Variants in ERBB4 observed in about 807,000 individuals in gnomAD.
ERBB4 encodes the protein erb-b2 receptor tyrosine kinase 4.
ERBB4 carries 42 observed loss-of-function variants against 158.0 expected under a neutral mutation model. The ratio of observed to expected loss-of-function variants is 0.27; its 90% CI spans 0.21 to 0.34. The LOEUF is 0.34. Among genes scored for constraint, ERBB4 ranks in the 10% least tolerant of loss-of-function variants. The probability of loss-of-function intolerance (pLI) is 1.00; values close to 1 mark genes in which losing one functional copy is unlikely to be tolerated. For synonymous variants in ERBB4, 583 were observed against 558.7 expected (o/e 1.04, Z -0.61); for missense variants, 1,333 against 1,624.1 (o/e 0.82, Z 3.08).
At chr2:211,917,811 A>T (rs2125069939) in intron 3 of ERBB4, among the ~76,000 whole-genome samples, 1 of 152,288 alleles carries the variant, frequency 6.6e-6, no homozygotes, top group South Asian at 2.1e-4. Flanking sequence ...TGAACTGAGC[A>T]TTCACTGAAG....
chr2:211,845,373 C>G (rs1220309360), intron 3 of ERBB4, among the ~76,000 whole-genome samples: 2 of 151,998 alleles, frequency 1.3e-5, no homozygotes, highest in Non-Finnish European at 2.9e-5. Flanking sequence ...CCTAGGCAGG[C>G]AAAATCTCAT....
At chr2:212,074,990 G>T (rs1402746972) in intron 2 of ERBB4, among the ~76,000 whole-genome samples, 1 of 151,894 alleles carries the variant, frequency 6.6e-6, no homozygotes, top group East Asian at 1.9e-4. Flanking sequence ...ATTTGTTCAA[G>T]TTCCTAGCTA....
intron 1 of ERBB4, among the ~76,000 whole-genome samples, chr2:212,417,739 T>C (rs1196191559): frequency 6.6e-6 from 1 of 152,050 alleles, no homozygotes; most frequent in Non-Finnish European, 1.5e-5. Context: ...TATCAATTAG[T>C]ACCTATGTAC....
At chr2:212,081,285 TA>T (rs2078434930) in intron 2 of ERBB4, among the ~76,000 whole-genome samples, 1 of 152,162 alleles carries the variant, frequency 6.6e-6, no homozygotes, top group African/African-American at 2.4e-5. Flanking sequence ...GAAATGAAAT[TA>T]AGCATCTTGC....
intron 19 of ERBB4, among the ~76,000 whole-genome samples, chr2:211,586,010 T>G (rs1324907634): frequency 6.6e-6 from 1 of 152,200 alleles, no homozygotes; most frequent in Non-Finnish European, 1.5e-5. Context: ...TCAAGAAATT[T>G]ACATCAAAAT....
chr2:211,665,548 G>T, intron 14 of ERBB4, 71 bp from the exon 15 acceptor site: 1 of 1,482,078 alleles, frequency 6.7e-7, no homozygotes, highest in Middle Eastern at 1.7e-4. Flanking sequence ...TATTCATGTG[G>T]TTTAGTTACT....
intron 1 of ERBB4, among the ~76,000 whole-genome samples, chr2:212,255,997 A>ATTTTT (rs746469311): frequency 2.0e-5 from 2 of 99,112 alleles, no homozygotes; most frequent in Non-Finnish European, 4.4e-5. Context: ...AGTTTTATTT[A>ATTTTT]TTTATTTTTT....
intron 1 of ERBB4, among the ~76,000 whole-genome samples, chr2:212,152,634 A>G (rs1293085750): frequency 6.6e-6 from 1 of 152,110 alleles, no homozygotes; most frequent in African/African-American, 2.4e-5. Flanking sequence ...GATGATCCCC[A>G]TATTTCTATC....
chr2:211,735,181 A>G (rs1216867932), intron 5 of ERBB4, among the ~76,000 whole-genome samples: 1 of 151,686 alleles, frequency 6.6e-6, no homozygotes, highest in Non-Finnish European at 1.5e-5. Context: ...ATGGGAAGGC[A>G]TTATTATTTT....
chr2:212,301,054 AG>A (rs1308336226), intron 1 of ERBB4, among the ~76,000 whole-genome samples: 1 of 151,442 alleles, frequency 6.6e-6, no homozygotes. Flanking sequence ...CTATGTTAAA[AG>A]ATTTGTACAG....
At chr2:212,404,401 T>C (rs1337303722) in intron 1 of ERBB4, among the ~76,000 whole-genome samples, 5 of 152,092 alleles carry the variant, frequency 3.3e-5, no homozygotes, top group Non-Finnish European at 4.4e-5. Flanking sequence ...CATTATTGAT[T>C]CACTCATTTA....
At chr2:211,722,288 C>T (rs2074125549) in intron 7 of ERBB4, 105 bp downstream of exon 7, 2 of 948,830 alleles carry the variant, frequency 2.1e-6, no homozygotes, top group African/African-American at 1.6e-5. Flanking sequence ...ACCCAAAGTA[C>T]TTATAATATT....
intron 1 of ERBB4, among the ~76,000 whole-genome samples, chr2:212,468,657 G>A (rs1688964672): frequency 6.6e-6 from 1 of 152,172 alleles, no homozygotes; most frequent in African/African-American, 2.4e-5. Flanking sequence ...AATACACTCA[G>A]TTTCTCAAGG....
chr2:212,521,622 A>G (rs1432809898), intron 1 of ERBB4, among the ~76,000 whole-genome samples: 1 of 150,460 alleles, frequency 6.6e-6, no homozygotes, highest in Non-Finnish European at 1.5e-5. Flanking sequence ...TTTATTGGGC[A>G]CTTACTATGT....
chr2:211,716,405 A>ATG, intron 7 of ERBB4, among the ~76,000 whole-genome samples: 1 of 141,288 alleles, frequency 7.1e-6, no homozygotes, highest in Non-Finnish European at 1.5e-5. Context: ...GGCCGGGCGC[A>ATG]GTGGCTCACG....
At chr2:211,500,815 G>A (rs1438506351) in intron 20 of ERBB4, among the ~76,000 whole-genome samples, 1 of 152,110 alleles carries the variant, frequency 6.6e-6, no homozygotes, top group East Asian at 1.9e-4. Context: ...GAGAGCACTG[G>A]TTTGCCAGGT....
intron 2 of ERBB4, among the ~76,000 whole-genome samples, chr2:212,104,942 G>A: frequency 6.6e-6 from 1 of 152,120 alleles, no homozygotes; most frequent in East Asian, 1.9e-4. Context: ...AAGAAACTGA[G>A]ACTGCAAAAT....
At chr2:212,042,118 A>G (rs1559372071) in intron 2 of ERBB4, among the ~76,000 whole-genome samples, 1 of 152,062 alleles carries the variant, frequency 6.6e-6, no homozygotes, top group Non-Finnish European at 1.5e-5. Context: ...GCTGTATTCA[A>G]AGCATTTTGA....
At chr2:211,907,865 T>A (rs138639820) in intron 3 of ERBB4, among the ~76,000 whole-genome samples, 1,588 of 151,732 alleles carry the variant, frequency 0.01, 115 homozygotes, top group Admixed American at 0.081. Flanking sequence ...AGTTTGGGAG[T>A]TTAAGCTAAA....
Sources: allele counts gnomAD v4.1 joint callset (sites outside exome capture counted in the v4.1 genomes callset), GRCh38; gene constraint gnomAD v4.1.1; transcripts MANE v1.5; gene names NCBI Gene and HGNC (gene_info 2026-07-23, HGNC 2026-07-21).